Variants in CBX5 observed in about 807,000 individuals in gnomAD.
CBX5 encodes chromobox 5.
A neutral mutation model predicts 20.7 loss-of-function variants in CBX5; 7 were observed. That is an observed-to-expected ratio of 0.34 (90% CI 0.19 to 0.63). The LOEUF (loss-of-function observed/expected upper bound fraction) is 0.63, where lower values mean the gene tolerates loss of function less well. Among genes scored for constraint, CBX5 ranks in the 30% least tolerant of loss-of-function variants. The pLI is 0.75. For missense variants in CBX5, 110 were observed against 224.1 expected, an observed-to-expected ratio of 0.49 and a Z score of 3.25; for synonymous variants, 78 against 77.0, an observed-to-expected ratio of 1.01 and a Z score of -0.07.
At chr12:54,278,578 G>A (rs939288407) in intron 1 of CBX5, 3 of 152,112 alleles carry the variant, frequency 2.0e-5, no homozygotes, top group Non-Finnish European at 4.4e-5. Flanking sequence ...CCTTGATCCT[G>A]AATAAATTAT....
chr12:54,277,109 TG>T (rs1247287234), intron 1 of CBX5: 1 of 152,240 alleles, frequency 6.6e-6, no homozygotes, highest in Non-Finnish European at 1.5e-5. Flanking sequence ...CTCGGCTCAC[TG>T]CAAACTCTGC....
intron 1 of CBX5, among the ~76,000 whole-genome samples, chr12:54,263,292 T>TG (rs1943927823): frequency 6.6e-6 from 1 of 150,962 alleles, no homozygotes; most frequent in African/African-American, 2.4e-5. Flanking sequence ...ACCCAGAAGA[T>TG]GGAGGTTGCA....
chr12:54,276,526 G>A (rs1023186584), intron 1 of CBX5: 1 of 152,196 alleles, frequency 6.6e-6, no homozygotes, highest in Non-Finnish European at 1.5e-5. Flanking sequence ...CGTTGTAAAG[G>A]TGAAAAATCT....
chr12:54,265,187 A>T (rs1467161187), intron 1 of CBX5, among the ~76,000 whole-genome samples: 2 of 152,212 alleles, frequency 1.3e-5, no homozygotes, highest in African/African-American at 4.8e-5. Flanking sequence ...TTAAATTGTC[A>T]GCTACAGCAC....
At chr12:54,274,203 G>A (rs1322837395) in intron 1 of CBX5, 3 of 152,216 alleles carry the variant, frequency 2.0e-5, no homozygotes, top group Non-Finnish European at 2.9e-5. Flanking sequence ...GTGTAAAGCT[G>A]TCATCAGAAA....
At chr12:54,254,163 G>T (rs1943840297) in intron 2 of CBX5, among the ~76,000 whole-genome samples, 1 of 151,720 alleles carries the variant, frequency 6.6e-6, no homozygotes, top group Non-Finnish European at 1.5e-5. Flanking sequence ...TGTAATCCCA[G>T]TACTTTGGGA....
chr12:54,254,101 C>T (rs890863109), intron 2 of CBX5, among the ~76,000 whole-genome samples: 1 of 151,826 alleles, frequency 6.6e-6, no homozygotes, highest in Non-Finnish European at 1.5e-5. Context: ...AATAATACCT[C>T]GATAAAGCTA....
At chr12:54,242,891 G>A (rs937658436) in intron 4 of CBX5, among the ~76,000 whole-genome samples, 1 of 152,104 alleles carries the variant, frequency 6.6e-6, no homozygotes, top group Non-Finnish European at 1.5e-5. Flanking sequence ...TTGGGAGGCT[G>A]AGGCAGGTGG....
At chr12:54,277,623 C>T (rs1944082757) in intron 1 of CBX5, among the ~76,000 whole-genome samples, 1 of 152,154 alleles carries the variant, frequency 6.6e-6, no homozygotes, top group African/African-American at 2.4e-5. Context: ...CAGACATGAG[C>T]CACCGGCGCC....
chr12:54,250,462 C>T (rs1943783537), intron 3 of CBX5, among the ~76,000 whole-genome samples: 1 of 150,980 alleles, frequency 6.6e-6, no homozygotes. Context: ...ATTTTCACTG[C>T]AAAAAAAAGA....
At chr12:54,268,599 GTTGA>G (rs750907242) in intron 1 of CBX5, among the ~76,000 whole-genome samples, 13 of 152,136 alleles carry the variant, frequency 8.5e-5, no homozygotes, top group Admixed American at 2.6e-4. Flanking sequence ...TCTAAAATTG[GTTGA>G]TTATGAGATA....
chr12:54,253,212 C>T (rs80009783), intron 2 of CBX5, among the ~76,000 whole-genome samples: 8,059 of 151,332 alleles, frequency 0.053, 288 homozygotes, highest in Non-Finnish European at 0.081. Flanking sequence ...CTCAGGAGTT[C>T]GAGACCAGCC....
chr12:54,247,893 T>G (rs1592155713), intron 3 of CBX5, among the ~76,000 whole-genome samples: 1 of 150,272 alleles, frequency 6.7e-6, no homozygotes, highest in African/African-American at 2.5e-5. Flanking sequence ...CAGGCTGGAG[T>G]GCAGTGCCAC....
At position 54,241,682 on chromosome 12, in the gene CBX5, G is replaced by T; in HGVS notation, c.*73C>A. The stretch of plus-strand genomic sequence containing the variant: ...GGATGTGTTTAGGATAGAAAGGGGT[G>T]GGTAGAAAGGAGAGGAGGCAGGGAG... On this transcript the variant is annotated 3_prime_UTR_variant, in exon 5 of 5. Transcript: ENST00000209875. 2.9e-6 allele frequency: 4 copies of T among 1,400,304 alleles called. No individual in the cohort carries two copies. Among genetic ancestry groups the T allele is most frequent in the Non-Finnish European group, 3.9e-6 (4 of 1,020,600 alleles). The allele number at this position is 1,400,304 out of a possible 1,614,324, so 86.7% of individuals were successfully genotyped here.
In CBX5 at chr12:54,246,225, G is replaced by A; in HGVS notation, c.325-10C>T. 1.3e-6 allele frequency: 2 copies of A among 1,593,332 alleles called. No individual in the cohort carries two copies. The highest frequency in any genetic ancestry group is 1.7e-6 in the Non-Finnish European group (2 of 1,161,686). ...CGATATCATTGCTCTGCTATAAATA[G>A]AAGATAAAGAAAGGTTACAGCTTGT... On this transcript the variant is annotated splice_polypyrimidine_tract_variant and intron_variant, in intron 3 of 4. Coordinates refer to ENST00000209875, the MANE Select transcript of CBX5 (RefSeq NM_012117.3).
chr12:54,265,915 T>C (rs1039530631), intron 1 of CBX5, among the ~76,000 whole-genome samples: 1 of 151,686 alleles, frequency 6.6e-6, no homozygotes, highest in Non-Finnish European at 1.5e-5. Context: ...GGTAAGGCGG[T>C]GCACGTCTAT....
At chr12:54,247,509 C>T (rs1257677930) in intron 3 of CBX5, among the ~76,000 whole-genome samples, 1 of 151,964 alleles carries the variant, frequency 6.6e-6, no homozygotes, top group Non-Finnish European at 1.5e-5. Context: ...CCATGGTGGG[C>T]AACATAGTGA....
At chr12:54,253,446 C>A (rs566261815) in intron 2 of CBX5, among the ~76,000 whole-genome samples, 13 of 152,124 alleles carry the variant, frequency 8.5e-5, no homozygotes, top group African/African-American at 3.1e-4. Flanking sequence ...TTTAATTGGG[C>A]TGGGCGCAGT....
At chr12:54,255,619 G>A (rs1943856117) in intron 2 of CBX5, 1 of 150,098 alleles carries the variant, frequency 6.7e-6, no homozygotes, top group South Asian at 2.1e-4. Flanking sequence ...AAGAATTAAA[G>A]TTTTGAAAGA....
Sources: gnomAD v4.1 joint callset for allele counts (sites outside exome capture counted in the v4.1 genomes callset) on GRCh38, gnomAD v4.1.1 for gene constraint, MANE v1.5 for transcripts, NCBI Gene and HGNC (gene_info 2026-07-23, HGNC 2026-07-21) for gene names.